The following DEPDC1B variants were observed in gnomAD, a reference collection of about 807,000 sequenced individuals.
DEPDC1B encodes the protein DEP domain containing 1B, also known as DEP domain-containing protein 1B.
DEPDC1B carries 51 observed loss-of-function variants against 66.5 expected under a neutral mutation model. The observed-to-expected ratio is 0.77, with a 90% CI of 0.61 to 0.97. The LOEUF is 0.97. DEPDC1B is among the 50% of genes least tolerant of loss of function. The probability of loss-of-function intolerance (pLI) is 0.00; values close to 1 mark genes in which losing one functional copy is unlikely to be tolerated. For synonymous variants in DEPDC1B, 226 were observed against 223.6 expected (o/e 1.01, Z -0.10); for missense variants, 552 against 637.1 (o/e 0.87, Z 1.44).
intron 7 of DEPDC1B, among the ~76,000 whole-genome samples, chr5:60,613,828 G>GTGTGTGTGTGTGTGTGTGTA (rs3989094): frequency 1.7e-4 from 25 of 144,488 alleles, no homozygotes; most frequent in African/African-American, 6.0e-4. Flanking sequence ...GTGTGTGTGT[G>GTGTGTGTGTGTGTGTGTGTA]TATACATAAA....
At chr5:60,668,058 A>ATTTTTTATATATATATAAAATGGATATT (rs1461217481) in intron 2 of DEPDC1B, among the ~76,000 whole-genome samples, 2 of 92,878 alleles carry the variant, frequency 2.2e-5, no homozygotes, top group Non-Finnish European at 3.8e-5. Flanking sequence ...TAAAATGGAT[A>ATTTTTTATATATATATAAAATGGATATT]TTTTATATAT....
intron 1 of DEPDC1B, among the ~76,000 whole-genome samples, chr5:60,695,987 C>T (rs1196232192): frequency 5.3e-5 from 8 of 152,030 alleles, no homozygotes; most frequent in African/African-American, 9.7e-5. Context: ...TTAGTTGAGA[C>T]GGGGTTTCAC....
intron 2 of DEPDC1B, among the ~76,000 whole-genome samples, chr5:60,649,136 A>G (rs1753385669): frequency 6.6e-6 from 1 of 152,172 alleles, no homozygotes; most frequent in Non-Finnish European, 1.5e-5. Flanking sequence ...TTGGACCTGA[A>G]TTCCAGGCTT....
rs543246763 is a variant in DEPDC1B at position 60,654,921 on chromosome 5, T to C, written c.315-7388A>G. ...TTTTTAGTTCTGTTTATGTGGTATA[T>C]CACATTTATTGACTTGCAGATGTTA... On this transcript the variant is annotated intron_variant, in intron 2 of 10. Transcript: ENST00000265036. 3.3e-5 allele frequency among the ~76,000 whole-genome samples: 5 copies of C among 149,270 alleles called. 1 individual carries two copies. Among genetic ancestry groups the C allele is most frequent in the African/African-American group, 1.3e-4 (5 of 39,670 alleles).
At chr5:60,677,324 A>ACTCTCTCTCTCT (rs753946184) in intron 2 of DEPDC1B, among the ~76,000 whole-genome samples, 26 of 78,820 alleles carry the variant, frequency 3.3e-4, no homozygotes, top group South Asian at 1.7e-3. Context: ...ACACACACAC[A>ACTCTCTCTCTCT]CACTCTCTCT....
chr5:60,615,911 C>T (rs2111758819), intron 7 of DEPDC1B, among the ~76,000 whole-genome samples: 1 of 152,314 alleles, frequency 6.6e-6, no homozygotes, highest in African/African-American at 2.4e-5. Context: ...CTGAATGACA[C>T]CTCACATGGC....
chr5:60,606,990 T>C (rs1420795795), intron 7 of DEPDC1B, among the ~76,000 whole-genome samples: 1 of 152,160 alleles, frequency 6.6e-6, no homozygotes, highest in African/African-American at 2.4e-5. Context: ...ATCTACAATA[T>C]ACAAGAACTG....
chr5:60,612,294 G>A (rs1209782286), intron 7 of DEPDC1B, among the ~76,000 whole-genome samples: 1 of 151,806 alleles, frequency 6.6e-6, no homozygotes. Flanking sequence ...ATGGTGGCAT[G>A]TGCCTGTCGT....
chr5:60,685,822 A>G (rs1172718210), intron 2 of DEPDC1B, among the ~76,000 whole-genome samples: 1 of 152,218 alleles, frequency 6.6e-6, no homozygotes, highest in African/African-American at 2.4e-5. Flanking sequence ...GCCTGATGCT[A>G]TTAAGTACTA....
At chr5:60,610,722 C>T (rs1284041626) in intron 7 of DEPDC1B, among the ~76,000 whole-genome samples, 1 of 152,172 alleles carries the variant, frequency 6.6e-6, no homozygotes, top group East Asian at 1.9e-4. Context: ...ATTCAGAAAG[C>T]CTCTGTCACA....
chr5:60,668,764 A>C (rs1194294734), intron 2 of DEPDC1B, among the ~76,000 whole-genome samples: 1 of 152,212 alleles, frequency 6.6e-6, no homozygotes, highest in Non-Finnish European at 1.5e-5. Context: ...CACACACATC[A>C]AATTGGCAAA....
rs1561384710 is a variant in DEPDC1B at position 60,668,061 on chromosome 5, T to TTATATATATATAAAATGGATATTTTA, written c.314+18875_314+18900dup. On this transcript the variant is annotated intron_variant, in intron 2 of 10. Coordinates refer to ENST00000265036, the MANE Select transcript of DEPDC1B (RefSeq NM_018369.3). ...TTTATATATATATAAAATGGATATT[T>TTATATATATATAAAATGGATATTTTA]TATATATATATAAAATGGATATTTT... Among the ~76,000 whole-genome samples, 108 of 40,644 alleles carry TTATATATATATAAAATGGATATTTTA rather than the reference T, an allele frequency of 2.7e-3. 2 individuals carry two copies. Among genetic ancestry groups the TTATATATATATAAAATGGATATTTTA allele is most frequent in the African/African-American group, 8.0e-3 (44 of 5,526 alleles). 26.7% of individuals were successfully genotyped at this position (40,644 alleles called of 152,430 possible).
chr5:60,599,314 T>G (rs940519053), intron 9 of DEPDC1B, 54 bp from the exon 10 acceptor site: 1 of 1,394,288 alleles, frequency 7.2e-7, no homozygotes, highest in African/African-American at 1.5e-5. Flanking sequence ...AAATAAATTA[T>G]AAGAATTAGT....
intron 2 of DEPDC1B, among the ~76,000 whole-genome samples, chr5:60,660,405 C>G (rs532042909): frequency 1.3e-5 from 2 of 151,770 alleles, no homozygotes; most frequent in East Asian, 3.9e-4. Flanking sequence ...AATTTAAAAC[C>G]TATAATTAAT....
intron 2 of DEPDC1B, among the ~76,000 whole-genome samples, chr5:60,675,465 A>G (rs2111997707): frequency 6.6e-6 from 1 of 152,242 alleles, no homozygotes; most frequent in East Asian, 1.9e-4. Context: ...GACACCCACT[A>G]AACACTGCAG....
intron 8 of DEPDC1B, among the ~76,000 whole-genome samples, chr5:60,604,162 G>A (rs2111711840): frequency 7.0e-6 from 1 of 142,330 alleles, no homozygotes; most frequent in African/African-American, 2.5e-5. Flanking sequence ...AAGCAGAAAT[G>A]CAAAATATAT....
At chr5:60,680,249 T>C (rs1754267526) in intron 2 of DEPDC1B, among the ~76,000 whole-genome samples, 1 of 152,154 alleles carries the variant, frequency 6.6e-6, no homozygotes, top group Admixed American at 6.5e-5. Context: ...CCAGAACTCT[T>C]TCTAGTAATT....
intron 2 of DEPDC1B, among the ~76,000 whole-genome samples, chr5:60,667,750 CAT>C (rs1482139837): frequency 4.2e-5 from 5 of 120,188 alleles, no homozygotes; most frequent in Admixed American, 8.5e-5. Context: ...GGATATTTTA[CAT>C]ATATATAAAA....
intron 7 of DEPDC1B, among the ~76,000 whole-genome samples, chr5:60,637,421 G>A (rs555558860): frequency 1.1e-4 from 16 of 152,286 alleles, no homozygotes; most frequent in Admixed American, 4.6e-4. Flanking sequence ...ATGAGTAAAA[G>A]CTCCCTTAGG....
Sources: gnomAD v4.1 joint callset for allele counts (sites outside exome capture counted in the v4.1 genomes callset) on GRCh38, gnomAD v4.1.1 for gene constraint, MANE v1.5 for transcripts, NCBI Gene and HGNC (gene_info 2026-07-23, HGNC 2026-07-21) for gene names.